Variants in TRMU observed in about 807,000 individuals in gnomAD.
TRMU encodes the protein tRNA mitochondrial 2-thiouridylase.
Under a neutral mutation model 46.9 loss-of-function variants are expected in TRMU, and 49 were observed. That is an observed-to-expected ratio of 1.05 (90% confidence interval 0.83 to 1.33). TRMU has a LOEUF of 1.33. Ranked by LOEUF, TRMU falls within the 40% of genes most tolerant of loss-of-function variation. TRMU has a pLI of 0.00. For missense variants in TRMU, 572 were observed against 532.4 expected, an observed-to-expected ratio of 1.07 and a Z score of -0.73; for synonymous variants, 241 against 200.9, an observed-to-expected ratio of 1.20 and a Z score of -1.69.
At position 46,350,399 on chromosome 22, in the gene TRMU, C is replaced by T. The variant is rs755416025; in HGVS notation, c.587C>T (p.Thr196Met). The part of the protein sequence containing the change: ...RRTIFPLGGL[T>M]KEFVKKIAAE... ...ACCATCTTCCCTCTGGGGGGATTAA[C>T]GAAAGAGTTTGTAAAGAAAATCGCT... Residue 196 changes from threonine (T) to methionine (M), a missense_variant, in exon 5 of 11, where the codon ACG (threonine) becomes ATG (methionine). Physicochemically the swap from Thr to Met is moderately conservative, Grantham distance 81. Coordinates refer to ENST00000645190, the MANE Select transcript of TRMU (RefSeq NM_018006.5). The surrounding 1 kb of genome is among the most constrained non-coding windows in gnomAD (Gnocchi z 4.6). 23 of 1,614,042 alleles carry T rather than the reference C, an allele frequency of 1.4e-5. No individual in the cohort carries two copies. The highest frequency in any genetic ancestry group is 6.6e-5 in the South Asian group (6 of 91,084).
In TRMU at chr22:46,336,430, C is replaced by T. The variant is rs1303049088; in HGVS notation, c.82+584C>T. 1.3e-5 allele frequency: 2 copies of T among 152,704 alleles called. No homozygotes were observed. Among genetic ancestry groups the T allele is most frequent in the Non-Finnish European group, 2.9e-5 (2 of 68,334 alleles). The allele number at this position is 152,704 out of a possible 1,614,324, so 9.5% of individuals were successfully genotyped here. A position where few individuals can be genotyped will look rare whatever the true frequency, so the allele number is the denominator to read the frequency against. On this transcript the variant is annotated intron_variant, in intron 1 of 10. Coordinates refer to ENST00000645190, the MANE Select transcript of TRMU (RefSeq NM_018006.5). This position sits in a 1 kb window ranked among gnomAD's most constrained non-coding sequence, Gnocchi z 4.1. The stretch of plus-strand genomic sequence containing the variant: ...AGCCCCACGGGTGCTTAGCATTCCT[C>T]GGGCCCGGCGCTGAAATGAGCACTT...
At chr22:46,355,276 C>T (rs140181130) in intron 8 of TRMU, 168 bp from the exon 9 acceptor site, 164 of 1,062,932 alleles carry the variant, frequency 1.5e-4, no homozygotes, top group East Asian at 1.5e-3. Flanking sequence ...TTCAAAGGCC[C>T]GGCGGGTGAT....
At position 46,356,076 on chromosome 22, in the gene TRMU, C is replaced by A. The variant is rs372134730; in HGVS notation, c.1101+4C>A. The A allele has an allele frequency of 6.2e-7, 1 of 1,613,862 alleles. No homozygotes were observed. ...GCGTGCCCTTGCCACAGGACAGGTG[C>A]GTGGGGTGTGGGGGTGAGCCCGGGG... is the stretch of plus-strand genomic sequence containing the variant. On this transcript the variant is annotated splice_donor_region_variant and intron_variant, in intron 10 of 10. Coordinates refer to ENST00000645190, the MANE Select transcript of TRMU (RefSeq NM_018006.5).
intron 10 of TRMU, chr22:46,356,564 C>T (rs1196050599): frequency 5.7e-6 from 3 of 521,838 alleles, no homozygotes; most frequent in African/African-American, 3.8e-5. Flanking sequence ...CCAAGGGGTG[C>T]AGAGACCTGC....
chr22:46,355,509 T>C lies in TRMU; in HGVS notation c.939T>C (p.Ile313=). 1.2e-6 allele frequency: 2 copies of C among 1,613,174 alleles called. No homozygotes were observed. The highest frequency in any genetic ancestry group is 1.7e-6 in the Non-Finnish European group (2 of 1,180,024). Residue 313 remains isoleucine (I), a synonymous_variant, in exon 9 of 11, where the codon ATT becomes ATC. Transcript: ENST00000645190. ...DLLRTSRVHW[I]AEEPPAALVR... ...TGAGGACCAGCCGCGTGCACTGGAT[T>C]GCGGAGGAGCCTCCCGCAGCACTGG...
rs552367785 is a variant in TRMU, at chr22:46,335,752, G to A, written c.-13G>A. On this transcript the variant is annotated 5_prime_UTR_variant, in exon 1 of 11. Transcript: ENST00000645190. ...GGCGGTAGCTGCAGCTGGCGAAGTT[G>A]GGCGACTGGCGGATGCAGGCCTTGC... is the stretch of plus-strand genomic sequence containing the variant. The A allele has an allele frequency of 1.9e-6, 3 of 1,549,548 alleles. No homozygotes were observed. The highest frequency in any genetic ancestry group is 2.4e-5 in the East Asian group (1 of 41,214).
chr22:46,336,145 G>A lies in TRMU; in HGVS notation c.82+299G>A. 7.6e-7 allele frequency: 1 copy of A among 1,311,920 alleles called. No homozygotes were observed. The highest frequency in any genetic ancestry group is 1.6e-5 in the South Asian group (1 of 61,546). The allele number at this position is 1,311,920 out of a possible 1,614,324, so 81.3% of individuals were successfully genotyped here. On this transcript the variant is annotated intron_variant, in intron 1 of 10. Coordinates refer to ENST00000645190, the MANE Select transcript of TRMU (RefSeq NM_018006.5). This position sits in a 1 kb window ranked among gnomAD's most constrained non-coding sequence, Gnocchi z 4.1. Reference sequence around the variant, plus strand: ...GGGCCGGGGTGGGGTGGGGAGGGAAGGGTTTCTCACGGATCTGCGGCGTCC... The same window carrying A: ...GGGCCGGGGTGGGGTGGGGAGGGAAAGGTTTCTCACGGATCTGCGGCGTCC...
At chr22:46,355,911 G>C (rs990319065) in intron 9 of TRMU, 79 bp from the exon 10 acceptor site, 14 of 1,532,396 alleles carry the variant, frequency 9.1e-6, no homozygotes, top group Non-Finnish European at 1.3e-5. Context: ...CCGTGGGCTG[G>C]TGCTCCTTTC....
At position 46,349,163 on chromosome 22, in the gene TRMU, G is replaced by A. The variant is rs2078338629; in HGVS notation, c.479-1128G>A. ...AAAAAAAAAAAAAAAAGTGGACTCT[G>A]GAAAGTGCTCTGCTTCCGTGGCGAC... On this transcript the variant is annotated intron_variant, in intron 4 of 10. Coordinates refer to ENST00000645190, the MANE Select transcript of TRMU (RefSeq NM_018006.5). The surrounding 1 kb of genome is among the most constrained non-coding windows in gnomAD (Gnocchi z 4.6). Among the ~76,000 whole-genome samples the A allele has an allele frequency of 6.6e-6, 1 of 151,652 alleles. No individual in the cohort carries two copies. Among genetic ancestry groups the A allele is most frequent in the South Asian group, 2.1e-4 (1 of 4,816 alleles).
At chr22:46,355,252 C>T (rs965620145) in intron 8 of TRMU, 192 bp from the exon 9 acceptor site, 14 of 810,048 alleles carry the variant, frequency 1.7e-5, no homozygotes, top group African/African-American at 1.2e-4. Flanking sequence ...GTCTCCTCAT[C>T]TGTAAAATGG....
intron 8 of TRMU, chr22:46,354,289 GT>G (rs2078528378): frequency 1.9e-5 from 5 of 262,788 alleles, no homozygotes; most frequent in Non-Finnish European, 3.8e-5. Flanking sequence ...TTCCACCACA[GT>G]GGGGACCTTA....
At chr22:46,355,770 C>T in intron 9 of TRMU, 182 bp downstream of exon 9, 1 of 1,176,066 alleles carries the variant, frequency 8.5e-7, no homozygotes, top group Non-Finnish European at 1.2e-6. Flanking sequence ...CCTGGGGGTG[C>T]TGGGAGCAGA....
intron 2 of TRMU, among the ~76,000 whole-genome samples, chr22:46,341,557 C>T (rs1306860110): frequency 6.6e-6 from 1 of 151,962 alleles, no homozygotes; most frequent in Non-Finnish European, 1.5e-5. Flanking sequence ...ACACAAACCT[C>T]TTGATCAGCA....
rs947574618 is a variant in TRMU, at chr22:46,346,560, C to T, written c.478+16C>T. ...GTTAGAAATGGTAAGTTCATGTGCC[C>T]AGGTCAGAGCCAAATTCTTGTGAAC... On this transcript the variant is annotated intron_variant, in intron 4 of 10. Coordinates refer to ENST00000645190, the MANE Select transcript of TRMU (RefSeq NM_018006.5). 2 of 1,606,332 alleles carry T rather than the reference C, an allele frequency of 1.2e-6. No individual in the cohort carries two copies. Among genetic ancestry groups the T allele is most frequent in the Non-Finnish European group, 1.7e-6 (2 of 1,175,210 alleles).
At position 46,350,309 on chromosome 22, in the gene TRMU, C is replaced by A. The variant is rs756794418; in HGVS notation, c.497C>A (p.Ala166Glu). 3 of 1,614,222 alleles carry A rather than the reference C, an allele frequency of 1.9e-6. No individual in the cohort carries two copies. The Admixed American group carries it at 5.0e-5, about 27-fold the overall frequency. The change falls in exon 5 of 11, where the codon GCA (alanine) becomes GAA (glutamate). Residue 166 changes from alanine (A) to glutamate (E), a missense_variant. Ala to Glu is a moderately radical substitution (Grantham distance 107, BLOSUM62 -1). Coordinates refer to ENST00000645190, the MANE Select transcript of TRMU (RefSeq NM_018006.5). This position sits in a 1 kb window ranked among gnomAD's most constrained non-coding sequence, Gnocchi z 4.6. ...EVRNAVKLLQ[A>E]ADSFKDQTFF... is the part of the protein sequence containing the mutation. ...TTGGCAGCGGTAAAACTCCTCCAGG[C>A]AGCTGACAGCTTTAAAGACCAGACC...
chr22:46,343,176 C>A, intron 2 of TRMU, 86 bp from the exon 3 acceptor site: 2 of 956,532 alleles, frequency 2.1e-6, no homozygotes, highest in Non-Finnish European at 3.2e-6. Flanking sequence ...GGGGAAATTA[C>A]ATTAAACAAG....
At position 46,350,198 on chromosome 22, in the gene TRMU, G is replaced by A; in HGVS notation, c.479-93G>A. ...TGATGTCTGCCTCTGACAGGCTAGG[G>A]GTAGTCTGTCTAAGTGAACAGAAGG... On this transcript the variant is annotated intron_variant, in intron 4 of 10. Coordinates refer to ENST00000645190, the MANE Select transcript of TRMU (RefSeq NM_018006.5). The surrounding 1 kb of genome is among the most constrained non-coding windows in gnomAD (Gnocchi z 4.6). 6.8e-7 allele frequency: 1 copy of A among 1,461,402 alleles called. No individual in the cohort carries two copies. Among genetic ancestry groups the A allele is most frequent in the Non-Finnish European group, 9.6e-7 (1 of 1,047,060 alleles). The allele number at this position is 1,461,402 out of a possible 1,614,324, so 90.5% of individuals were successfully genotyped here. A position where few individuals can be genotyped will look rare whatever the true frequency, so the allele number is the denominator to read the frequency against.
intron 2 of TRMU, among the ~76,000 whole-genome samples, chr22:46,341,674 C>T (rs1002724836): frequency 6.6e-6 from 1 of 152,056 alleles, no homozygotes; most frequent in Non-Finnish European, 1.5e-5. Flanking sequence ...AAATAGGCAT[C>T]ATAACCCTCT....
chr22:46,353,861 G>A lies in TRMU; in HGVS notation c.867G>A (p.Val289=), dbSNP rs1306512461. 1.2e-6 allele frequency: 2 copies of A among 1,613,656 alleles called. No homozygotes were observed. Among genetic ancestry groups the A allele is most frequent in the Non-Finnish European group, 8.5e-7 (1 of 1,179,708 alleles). Residue 289 remains valine (V), a synonymous_variant, in exon 8 of 11, where the codon GTG becomes GTA. Coordinates refer to ENST00000645190, the MANE Select transcript of TRMU (RefSeq NM_018006.5). ...AGAAGGACAGCGTCAAGGGTGACGT[G>A]TTTGTGGTGAGTGGGCCGGCCTCTG... ...VVEKDSVKGD[V]FVAPRTDHPA... is the part of the protein sequence containing the mutation.
Sources: allele counts gnomAD v4.1 joint callset (sites outside exome capture counted in the v4.1 genomes callset), GRCh38; gene constraint gnomAD v4.1.1; non-coding constraint Gnocchi (gnomAD v3.1); transcripts MANE v1.5; gene names NCBI Gene and HGNC (gene_info 2026-07-23, HGNC 2026-07-21).